Variants in CORIN observed in about 807,000 individuals in gnomAD.
CORIN encodes the protein corin, serine peptidase.
In CORIN, 117 loss-of-function variants were observed where a neutral mutation model predicts 125.3. The ratio of observed to expected loss-of-function variants is 0.93; its 90% CI spans 0.80 to 1.09. CORIN has a LOEUF of 1.09. Among genes scored for constraint, CORIN ranks in the 50% least tolerant of loss-of-function variants. The pLI is 0.00. For missense variants in CORIN, 1,253 were observed against 1,306.7 expected (o/e 0.96, Z 0.63); for synonymous variants, 450 against 466.4 (o/e 0.96, Z 0.45).
rs947211308 is a variant in CORIN, at chr4:47,706,753, C to A, written c.800-13670G>T. ...ACTGGGTTGGTGAAGATTCCACATA[C>A]AAATTTTTTGAGGTTATCCTCATTG... On this transcript the variant is annotated intron_variant, in intron 5 of 21. Transcript: ENST00000273857. The A allele has an allele frequency of 2.5e-6, 4 of 1,600,630 alleles. No homozygotes were observed. The East Asian group carries it at 6.7e-5, about 27-fold the overall frequency.
At chr4:47,671,529 C>T (rs1450101737) in intron 10 of CORIN, among the ~76,000 whole-genome samples, 1 of 152,178 alleles carries the variant, frequency 6.6e-6, no homozygotes, top group East Asian at 1.9e-4. Context: ...TTTGAAAGAT[C>T]AGGAATAACA....
chr4:47,742,110 GAA>G (rs1728430613), intron 5 of CORIN, among the ~76,000 whole-genome samples: 1 of 151,334 alleles, frequency 6.6e-6, no homozygotes, highest in Admixed American at 6.6e-5. Context: ...AGCATAATAT[GAA>G]AAAATAATAC....
At chr4:47,690,224 A>G (rs1274686054) in intron 6 of CORIN, among the ~76,000 whole-genome samples, 2 of 152,188 alleles carry the variant, frequency 1.3e-5, no homozygotes, top group Non-Finnish European at 2.9e-5. Context: ...GAACTTTTTT[A>G]TGGACAAGGA....
intron 20 of CORIN, among the ~76,000 whole-genome samples, chr4:47,602,767 C>A (rs1721494718): frequency 6.6e-6 from 1 of 152,142 alleles, no homozygotes; most frequent in African/African-American, 2.4e-5. Context: ...TTATTAATGT[C>A]TATGATTTGC....
chr4:47,755,805 T>C (rs1175597035), intron 4 of CORIN, among the ~76,000 whole-genome samples: 1 of 152,188 alleles, frequency 6.6e-6, no homozygotes, highest in Non-Finnish European at 1.5e-5. Context: ...CACACAAAAT[T>C]TGATTTATGC....
intron 5 of CORIN, among the ~76,000 whole-genome samples, chr4:47,736,182 C>T (rs1728125778): frequency 1.3e-5 from 2 of 152,106 alleles, no homozygotes; most frequent in Non-Finnish European, 2.9e-5. Flanking sequence ...ACTTAAAGGA[C>T]TTCTCTTTCA....
chr4:47,696,417 T>A (rs1332479753), intron 5 of CORIN, among the ~76,000 whole-genome samples: 1 of 152,130 alleles, frequency 6.6e-6, no homozygotes, highest in Non-Finnish European at 1.5e-5. Flanking sequence ...GTGTCTACTA[T>A]GTGCAAAGTA....
Position 47,626,515 on chromosome 4 carries a change from T to C in CORIN, c.2205A>G (p.Pro735=). ...LACKQMGLGE[P]SVTKLIQEQE... ...GTTCCTGTATCAATTTGGTCACAGA[T>C]GGTTCTCTGATACAAGGCAAATACT... Residue 735 remains proline (P), a synonymous_variant, in exon 17 of 22, where the codon CCA becomes CCG. Coordinates refer to ENST00000273857, the MANE Select transcript of CORIN (RefSeq NM_006587.4). 2 of 1,606,344 alleles carry C rather than the reference T, an allele frequency of 1.2e-6. No individual in the cohort carries two copies. Among genetic ancestry groups the C allele is most frequent in the Middle Eastern group, 1.7e-4 (1 of 6,046 alleles).
intron 5 of CORIN, among the ~76,000 whole-genome samples, chr4:47,720,619 T>A (rs1355297066): frequency 6.6e-6 from 1 of 152,226 alleles, no homozygotes; most frequent in African/African-American, 2.4e-5. Flanking sequence ...GAGCTATCCC[T>A]ACACATCTAC....
rs558639813 is a variant in CORIN at position 47,598,869 on chromosome 4, A to C, written c.2946+1345T>G. ...ATTGATAGCTGTTAATATTGGTGTA[A>C]TTACTATTCATTGAATGTCTAAGTA... On this transcript the variant is annotated intron_variant, in intron 21 of 21. Transcript: ENST00000273857. Among the ~76,000 whole-genome samples, 7 of 152,342 alleles carry C rather than the reference A, an allele frequency of 4.6e-5. 1 individual carries two copies. The highest frequency in any genetic ancestry group is 1.7e-4 in the African/African-American group (7 of 41,580).
At chr4:47,659,205 T>C (rs1724136944) in intron 12 of CORIN, among the ~76,000 whole-genome samples, 1 of 152,218 alleles carries the variant, frequency 6.6e-6, no homozygotes, top group African/African-American at 2.4e-5. Context: ...ACTTAACCAA[T>C]TTTTAAGAAG....
intron 2 of CORIN, among the ~76,000 whole-genome samples, chr4:47,799,437 T>A (rs951779774): frequency 6.6e-6 from 1 of 152,140 alleles, no homozygotes; most frequent in Non-Finnish European, 1.5e-5. Context: ...GTTTTTTGAC[T>A]TTTTCGTAAT....
At chr4:47,646,927 T>A (rs756018418) in intron 13 of CORIN, among the ~76,000 whole-genome samples, 2 of 152,316 alleles carry the variant, frequency 1.3e-5, no homozygotes, top group East Asian at 1.9e-4. Flanking sequence ...GTTTTCAAAC[T>A]TTTCATTAAA....
chr4:47,761,972 G>GTA lies in CORIN; in HGVS notation c.617+1405_617+1406dup, dbSNP rs1003017873. On this transcript the variant is annotated intron_variant, in intron 4 of 21. Transcript: ENST00000273857. ...ATAGCGACACCCCATCTCTAAGTGT[G>GTA]TATATATATACACACAAATATATAC... Among the ~76,000 whole-genome samples, 13 of 151,614 alleles carry GTA rather than the reference G, an allele frequency of 8.6e-5. No homozygotes were observed. In the East Asian group the frequency reaches 1.5e-3, roughly 18 times the overall value.
chr4:47,604,371 A>T (rs1184329464), intron 19 of CORIN, among the ~76,000 whole-genome samples: 1 of 152,010 alleles, frequency 6.6e-6, no homozygotes, highest in South Asian at 2.1e-4. Context: ...TACTCCCTTG[A>T]TTTCATCTAG....
chr4:47,803,776 T>C (rs1731648914), intron 2 of CORIN, among the ~76,000 whole-genome samples: 2 of 152,124 alleles, frequency 1.3e-5, no homozygotes, highest in Admixed American at 6.5e-5. Flanking sequence ...TTGGGGAAAC[T>C]TTAGGACATT....
intron 1 of CORIN, among the ~76,000 whole-genome samples, chr4:47,818,533 A>G (rs1222023137): frequency 6.6e-6 from 1 of 152,220 alleles, no homozygotes; most frequent in Non-Finnish European, 1.5e-5. Context: ...AAAGCTGCAG[A>G]TAGACATTTG....
chr4:47,796,416 G>A (rs1370565838), intron 2 of CORIN, among the ~76,000 whole-genome samples: 1 of 152,082 alleles, frequency 6.6e-6, no homozygotes, highest in Non-Finnish European at 1.5e-5. Flanking sequence ...AATGGCGATT[G>A]CCAGAGGGGA....
chr4:47,610,818 A>C (rs1022378449), intron 19 of CORIN, among the ~76,000 whole-genome samples: 1 of 152,186 alleles, frequency 6.6e-6, no homozygotes, highest in African/African-American at 2.4e-5. Context: ...ATGGCTAGCC[A>C]GTTCTCCCAG....
Sources: allele counts gnomAD v4.1 joint callset (sites outside exome capture counted in the v4.1 genomes callset), GRCh38; gene constraint gnomAD v4.1.1; transcripts MANE v1.5; gene names NCBI Gene and HGNC (gene_info 2026-07-23, HGNC 2026-07-21).